The following NPAS3 variants were observed in gnomAD, a reference collection of about 807,000 sequenced individuals.
NPAS3 encodes neuronal PAS domain-containing protein 3.
A neutral mutation model predicts 73.1 loss-of-function variants in NPAS3; 14 were observed. The ratio of observed to expected loss-of-function variants is 0.19; its 90% CI spans 0.13 to 0.30. NPAS3 has a LOEUF of 0.30. Ranked by LOEUF, NPAS3 falls within the 10% of genes least tolerant of loss-of-function variation. The pLI, the probability that NPAS3 is intolerant of heterozygous loss-of-function variation, is 1.00. For missense variants in NPAS3, 1,096 were observed against 1,250.0 expected (o/e 0.88, Z 1.86); for synonymous variants, 620 against 541.5 (o/e 1.14, Z -2.01).
chr14:33,392,963 G>T (rs1189424077), intron 4 of NPAS3, among the ~76,000 whole-genome samples: 1 of 152,122 alleles, frequency 6.6e-6, no homozygotes, highest in Non-Finnish European at 1.5e-5. Flanking sequence ...AATAATGTTT[G>T]CTGGGGTGAG....
intron 4 of NPAS3, among the ~76,000 whole-genome samples, chr14:33,488,558 T>G (rs2051726992): frequency 6.6e-6 from 1 of 152,188 alleles, no homozygotes; most frequent in African/African-American, 2.4e-5. Context: ...TTCTTTTCTG[T>G]TAGAATACAT....
chr14:32,971,323 G>C (rs967413616), intron 1 of NPAS3, among the ~76,000 whole-genome samples: 6 of 152,026 alleles, frequency 3.9e-5, no homozygotes, highest in Non-Finnish European at 8.8e-5. Flanking sequence ...GACCTCAAGT[G>C]ATCCACCTGC....
chr14:33,622,998 G>A (rs115442497), intron 5 of NPAS3, among the ~76,000 whole-genome samples: 2,123 of 152,120 alleles, frequency 0.014, 50 homozygotes, highest in African/African-American at 0.048. Context: ...TCACACTACT[G>A]CATTTTTGGA....
At chr14:33,735,981 AT>A (rs370132437) in intron 7 of NPAS3, among the ~76,000 whole-genome samples, 35 of 152,340 alleles carry the variant, frequency 2.3e-4, no homozygotes, top group African/African-American at 8.2e-4. Context: ...GGAAATTCCA[AT>A]GTTTCAGTTA....
chr14:33,184,626 G>A (rs138080458), intron 2 of NPAS3, among the ~76,000 whole-genome samples: 1 of 152,244 alleles, frequency 6.6e-6, no homozygotes, highest in East Asian at 1.9e-4. Flanking sequence ...CAGAAAAGAT[G>A]ATAGTGGCTG....
intron 3 of NPAS3, among the ~76,000 whole-genome samples, chr14:33,330,068 C>A (rs934305926): frequency 1.3e-5 from 2 of 152,032 alleles, no homozygotes. Flanking sequence ...CATGGCAAAA[C>A]CCCAGCTCTA....
At chr14:33,092,056 G>A (rs1438964955) in intron 2 of NPAS3, among the ~76,000 whole-genome samples, 3 of 152,118 alleles carry the variant, frequency 2.0e-5, no homozygotes, top group Non-Finnish European at 4.4e-5. Context: ...TTTGAAAGCT[G>A]GCACAAGACA....
intron 2 of NPAS3, among the ~76,000 whole-genome samples, chr14:33,101,517 G>T (rs2042577302): frequency 1.3e-5 from 2 of 152,148 alleles, no homozygotes; most frequent in Admixed American, 6.6e-5. Context: ...CTTTAAACCT[G>T]TGTGTACTGT....
intron 2 of NPAS3, among the ~76,000 whole-genome samples, chr14:33,164,839 C>A (rs77455114): frequency 7.0e-6 from 1 of 141,892 alleles, no homozygotes; most frequent in Admixed American, 7.2e-5. Flanking sequence ...ACAGGTGACT[C>A]TTTTTTTTTT....
intron 4 of NPAS3, among the ~76,000 whole-genome samples, chr14:33,370,296 A>T (rs17100828): frequency 1.3e-5 from 2 of 152,150 alleles, no homozygotes; most frequent in African/African-American, 4.8e-5. Context: ...GCACCAAAGA[A>T]GACTTTTCAA....
chr14:33,784,400 T>C (rs2063078103), intron 9 of NPAS3, among the ~76,000 whole-genome samples: 1 of 152,224 alleles, frequency 6.6e-6, no homozygotes, highest in African/African-American at 2.4e-5. Context: ...AAATGAGGTC[T>C]GTTAAGATGT....
At chr14:33,717,359 A>G (rs982819783) in intron 6 of NPAS3, among the ~76,000 whole-genome samples, 1 of 151,994 alleles carries the variant, frequency 6.6e-6, no homozygotes, top group Non-Finnish European at 1.5e-5. Flanking sequence ...GGGCAAGTTA[A>G]GCACTCTAAT....
intron 4 of NPAS3, among the ~76,000 whole-genome samples, chr14:33,375,333 T>C (rs2046267182): frequency 6.6e-6 from 1 of 152,190 alleles, no homozygotes; most frequent in South Asian, 2.1e-4. Context: ...GATTTTTCAT[T>C]ACAAACTGGA....
At chr14:33,251,017 G>A (rs1019681508) in intron 3 of NPAS3, among the ~76,000 whole-genome samples, 1 of 151,988 alleles carries the variant, frequency 6.6e-6, no homozygotes, top group Non-Finnish European at 1.5e-5. Context: ...GTATATATTG[G>A]GCATGGAAAA....
In NPAS3 at chr14:33,055,877, T is replaced by C. The variant is rs1250912709; in HGVS notation, c.51-28T>C. 20 of 783,270 alleles carry C rather than the reference T, an allele frequency of 2.6e-5. 1 individual carries two copies. Among genetic ancestry groups the C allele is most frequent in the Non-Finnish European group, 4.3e-5 (19 of 444,454 alleles). The allele number at this position is 783,270 out of a possible 1,614,324, so 48.5% of individuals were successfully genotyped here. On this transcript the variant is annotated intron_variant, in intron 1 of 11. Coordinates refer to ENST00000356141, the Ensembl canonical transcript of NPAS3. Reference sequence around the variant, plus strand: ...GTTGACTGTAGAGAATCTCTAGTCATGTCTATCTGTTTTTGATGCCTCTAC... The same window carrying C: ...GTTGACTGTAGAGAATCTCTAGTCACGTCTATCTGTTTTTGATGCCTCTAC...
chr14:33,563,537 C>CACACACAGAGAGAGAGAGAGAG, intron 5 of NPAS3, among the ~76,000 whole-genome samples: 1 of 119,652 alleles, frequency 8.4e-6, no homozygotes, highest in African/African-American at 3.7e-5. Context: ...CACACACACA[C>CACACACAGAGAGAGAGAGAGAG]AGAGAGAGAG....
intron 2 of NPAS3, among the ~76,000 whole-genome samples, chr14:33,158,611 G>A (rs1182891357): frequency 1.3e-5 from 2 of 152,166 alleles, no homozygotes; most frequent in Admixed American, 6.5e-5. Flanking sequence ...GAGAGAGGGT[G>A]TTCATGGAAG....
intron 3 of NPAS3, among the ~76,000 whole-genome samples, chr14:33,365,324 T>A (rs1465231648): frequency 6.6e-6 from 1 of 152,022 alleles, no homozygotes; most frequent in African/African-American, 2.4e-5. Flanking sequence ...ACAGCTGCAT[T>A]ATCAAAAATG....
intron 6 of NPAS3, among the ~76,000 whole-genome samples, chr14:33,715,291 G>A (rs1049108809): frequency 3.3e-5 from 5 of 152,098 alleles, no homozygotes; most frequent in African/African-American, 7.2e-5. Flanking sequence ...TGACCTTTGA[G>A]TCCTTGAAAG....
Sources: gnomAD v4.1 joint callset for allele counts (sites outside exome capture counted in the v4.1 genomes callset) on GRCh38, gnomAD v4.1.1 for gene constraint, MANE v1.5 for transcripts, NCBI Gene and HGNC (gene_info 2026-07-23, HGNC 2026-07-21) for gene names.